The following SPATS2L variants were observed in gnomAD, a reference collection of about 807,000 sequenced individuals.
SPATS2L encodes spermatogenesis associated serine rich 2 like.
A neutral mutation model predicts 59.6 loss-of-function variants in SPATS2L; 30 were observed. That is an observed-to-expected ratio of 0.50 (90% CI 0.38 to 0.68). SPATS2L has a LOEUF of 0.68. Ranked by LOEUF, SPATS2L falls within the 30% of genes least tolerant of loss-of-function variation. The probability of loss-of-function intolerance (pLI) is 0.00; values close to 1 mark genes in which losing one functional copy is unlikely to be tolerated. For missense variants in SPATS2L, 615 were observed against 700.0 expected (o/e 0.88, Z 1.37); for synonymous variants, 252 against 263.5 (o/e 0.96, Z 0.42).
At chr2:200,399,538 C>T (rs996440499) in intron 3 of SPATS2L, among the ~76,000 whole-genome samples, 1 of 151,974 alleles carries the variant, frequency 6.6e-6, no homozygotes, top group Admixed American at 6.6e-5. Context: ...TTGGCAAATG[C>T]TGACTAGTTT....
intron 2 of SPATS2L, among the ~76,000 whole-genome samples, chr2:200,354,683 A>G (rs199614761): frequency 6.6e-6 from 1 of 152,002 alleles, no homozygotes; most frequent in East Asian, 1.9e-4. Context: ...AGCCCTCACC[A>G]TTGCGAGAGG....
chr2:200,419,759 G>A lies in SPATS2L; in HGVS notation c.445+263G>A, dbSNP rs554454631. The stretch of plus-strand genomic sequence containing the variant: ...CTGGGTCTTGCTGTGCAAGGCTAGA[G>A]TGCAGTGGTGTGGTCATAGCTCACT... On this transcript the variant is annotated intron_variant, in intron 6 of 12. Transcript: ENST00000409140. 1.7e-4 allele frequency among the ~76,000 whole-genome samples: 25 copies of A among 147,756 alleles called. 1 individual carries two copies. The South Asian group carries it at 4.9e-3, about 29-fold the overall frequency.
At chr2:200,341,798 T>A (rs1202570704) in intron 2 of SPATS2L, among the ~76,000 whole-genome samples, 1 of 151,714 alleles carries the variant, frequency 6.6e-6, no homozygotes, top group African/African-American at 2.4e-5. Context: ...CAAGTAATTC[T>A]CCTGCCTCAG....
intron 1 of SPATS2L, among the ~76,000 whole-genome samples, chr2:200,328,799 C>T (rs991007301): frequency 6.6e-6 from 1 of 152,152 alleles, no homozygotes; most frequent in Non-Finnish European, 1.5e-5. Flanking sequence ...ATCTTTCCAC[C>T]TAAGTGGTTA....
chr2:200,381,174 C>G (rs2081797522), intron 2 of SPATS2L, among the ~76,000 whole-genome samples: 1 of 152,194 alleles, frequency 6.6e-6, no homozygotes, highest in African/African-American at 2.4e-5. Flanking sequence ...GCATTTGTTT[C>G]CCTCTTCAGC....
chr2:200,306,143 C>A, upstream of SPATS2L: 1 of 992,842 alleles, frequency 1.0e-6, no homozygotes, highest in Non-Finnish European at 1.2e-6. Flanking sequence ...AGCACTTTTT[C>A]CGCGCCTGAT....
At chr2:200,374,572 G>GAC (rs138878768) in intron 2 of SPATS2L, among the ~76,000 whole-genome samples, 1 of 151,614 alleles carries the variant, frequency 6.6e-6, no homozygotes, top group East Asian at 1.9e-4. Context: ...TTGTCACAGG[G>GAC]ACACACACAC....
intron 3 of SPATS2L, among the ~76,000 whole-genome samples, chr2:200,407,439 T>C (rs1011723383): frequency 1.3e-5 from 2 of 152,202 alleles, no homozygotes. Context: ...CAACACTTAC[T>C]ACCTACTTTT....
intron 2 of SPATS2L, among the ~76,000 whole-genome samples, chr2:200,341,938 T>C (rs2080343714): frequency 6.6e-6 from 1 of 152,136 alleles, no homozygotes; most frequent in African/African-American, 2.4e-5. Context: ...TCCGCCTACC[T>C]CAGCCTCCCG....
chr2:200,319,176 C>G (rs1001675691), intron 1 of SPATS2L, among the ~76,000 whole-genome samples: 1 of 152,200 alleles, frequency 6.6e-6, no homozygotes, highest in African/African-American at 2.4e-5. Flanking sequence ...AAGTCTTCTC[C>G]TTTCAGGGTT....
rs76674373 is a variant in SPATS2L, at chr2:200,433,797, A to G, written c.446-5325A>G. On this transcript the variant is annotated intron_variant, in intron 6 of 12. Transcript: ENST00000409140. Reference sequence around the variant, plus strand: ...AGAAATAGAAAATCTGAATAACACTATGCTTACCAAGGAAATTCATAATTA... The same window carrying G: ...AGAAATAGAAAATCTGAATAACACTGTGCTTACCAAGGAAATTCATAATTA... 8.5e-3 allele frequency among the ~76,000 whole-genome samples: 1,295 copies of G among 152,196 alleles called. 11 individuals are homozygous for G. Among genetic ancestry groups the G allele is most frequent in the Non-Finnish European group, 0.013 (851 of 67,946 alleles).
intron 8 of SPATS2L, among the ~76,000 whole-genome samples, chr2:200,446,450 A>G (rs960953463): frequency 2.6e-5 from 4 of 152,150 alleles, no homozygotes; most frequent in South Asian, 2.1e-4. Flanking sequence ...CAATGGGACA[A>G]TTTTGCCCCC....
chr2:200,375,233 G>A (rs1023789520), intron 2 of SPATS2L, among the ~76,000 whole-genome samples: 12 of 152,148 alleles, frequency 7.9e-5, no homozygotes, highest in Admixed American at 2.0e-4. Context: ...ATAGGAGTGA[G>A]GCTAATGGTT....
chr2:200,463,036 T>C (rs1482640012), intron 9 of SPATS2L, among the ~76,000 whole-genome samples: 1 of 145,642 alleles, frequency 6.9e-6, no homozygotes, highest in Non-Finnish European at 1.6e-5. Context: ...TGATACAATA[T>C]GTGTGCAAAA....
chr2:200,386,205 C>T (rs191033016), intron 2 of SPATS2L, among the ~76,000 whole-genome samples: 2 of 151,832 alleles, frequency 1.3e-5, no homozygotes, highest in African/African-American at 4.9e-5. Context: ...GTAGAGGCAG[C>T]CTTCCACCTG....
Position 200,470,876 on chromosome 2 carries a change from G to A in SPATS2L, c.1060+860G>A, listed in dbSNP as rs368335883. 9.2e-5 allele frequency among the ~76,000 whole-genome samples: 14 copies of A among 152,126 alleles called. No individual in the cohort carries two copies. In the East Asian group the frequency reaches 1.7e-3, roughly 19 times the overall value. ...TTCTCTAAATATAATAGATGTCACC[G>A]GTCTTCTGGTTGCTGCATTTAGATT... On this transcript the variant is annotated intron_variant, in intron 11 of 12. Transcript: ENST00000409140.
chr2:200,478,068 G>A lies in SPATS2L; in HGVS notation c.*37G>A, dbSNP rs780218739. The A allele has an allele frequency of 6.6e-7, 1 of 1,511,286 alleles. No individual in the cohort carries two copies. The highest frequency in any genetic ancestry group is 8.8e-7 in the Non-Finnish European group (1 of 1,131,966). The allele number at this position is 1,511,286 out of a possible 1,614,324, so 93.6% of individuals were successfully genotyped here. A position where few individuals can be genotyped will look rare whatever the true frequency, so the allele number is the denominator to read the frequency against. On this transcript the variant is annotated 3_prime_UTR_variant, in exon 13 of 13. Coordinates refer to ENST00000409140, the MANE Select transcript of SPATS2L (RefSeq NM_001100423.2). ...AAAGAGCAGTTTTCACTCAGTTTTG[G>A]TTCCCTGCCCGAGGTGCTGACCCAA...
chr2:200,414,250 C>G (rs1310330260), intron 4 of SPATS2L, among the ~76,000 whole-genome samples: 1 of 152,130 alleles, frequency 6.6e-6, no homozygotes, highest in Non-Finnish European at 1.5e-5. Context: ...TTCACCTTGT[C>G]AGTGTTGAGA....
At chr2:200,397,329 C>T (rs1313309425) in intron 3 of SPATS2L, among the ~76,000 whole-genome samples, 1 of 152,200 alleles carries the variant, frequency 6.6e-6, no homozygotes, top group Non-Finnish European at 1.5e-5. Context: ...AGTTTACCAA[C>T]ATTCTAGTTA....
Sources: allele counts gnomAD v4.1 joint callset (sites outside exome capture counted in the v4.1 genomes callset), GRCh38; gene constraint gnomAD v4.1.1; transcripts MANE v1.5; gene names NCBI Gene and HGNC (gene_info 2026-07-23, HGNC 2026-07-21).